The following ZC3H12B variants were observed in gnomAD, a reference collection of about 807,000 sequenced individuals.
The protein encoded by ZC3H12B is probable ribonuclease ZC3H12B.
A neutral mutation model predicts 43.9 loss-of-function variants in ZC3H12B; 7 were observed. The ratio of observed to expected loss-of-function variants is 0.16; its 90% CI spans 0.09 to 0.30. The LOEUF is 0.30. Among genes scored for constraint, ZC3H12B ranks in the 10% least tolerant of loss-of-function variants. ZC3H12B has a pLI of 1.00. For synonymous variants in ZC3H12B, 222 were observed against 241.7 expected (o/e 0.92, Z 0.76); for missense variants, 475 against 670.2 (o/e 0.71, Z 3.22).
chrX:65,215,013 C>A, the ZC3H12B span, among the ~76,000 whole-genome samples: 2 of 111,310 alleles, frequency 1.8e-5, no homozygotes, highest in East Asian at 5.6e-4. Flanking sequence ...AGTAATATTT[C>A]CAAAAGAATT....
the ZC3H12B span, among the ~76,000 whole-genome samples, chrX:65,181,261 AT>A: frequency 1.8e-5 from 2 of 112,174 alleles, no homozygotes; most frequent in African/African-American, 6.5e-5. Flanking sequence ...ACTCAAGATG[AT>A]TTAAATAGTT....
intron 3 of ZC3H12B, among the ~76,000 whole-genome samples, chrX:65,442,400 G>A (rs775019735): frequency 4.6e-4 from 51 of 111,124 alleles, no homozygotes; most frequent in African/African-American, 1.6e-3. Flanking sequence ...TAGCACTAAA[G>A]GAAAGGTATT....
chrX:65,374,108 G>GTTATATATAACTATATATATA (rs1402334408), intron 2 of ZC3H12B, among the ~76,000 whole-genome samples: 3,180 of 62,864 alleles, frequency 0.051, 495 homozygotes, highest in African/African-American at 0.23. Context: ...ACTATATATA[G>GTTATATATAACTATATATATA]GTTATATATA....
intron 3 of ZC3H12B, among the ~76,000 whole-genome samples, chrX:65,436,565 A>G (rs2067224381): frequency 8.9e-6 from 1 of 112,135 alleles, no homozygotes; most frequent in Non-Finnish European, 1.9e-5. Flanking sequence ...CTATCTTAGT[A>G]TGCTTTTACA....
chrX:65,132,172 T>A, the ZC3H12B span, among the ~76,000 whole-genome samples: 11 of 111,183 alleles, frequency 9.9e-5, no homozygotes, highest in Non-Finnish European at 1.7e-4. Flanking sequence ...GAGGAAGGTA[T>A]TGAGGACAAA....
At chrX:65,294,292 G>C in the ZC3H12B span, among the ~76,000 whole-genome samples, 13 of 111,507 alleles carry the variant, frequency 1.2e-4, no homozygotes, top group African/African-American at 4.2e-4. Context: ...GTCCCTTTCA[G>C]AAAACAAATG....
At chrX:65,452,686 C>T (rs1156800731) in intron 3 of ZC3H12B, among the ~76,000 whole-genome samples, 1 of 111,117 alleles carries the variant, frequency 9.0e-6, no homozygotes, top group Non-Finnish European at 1.9e-5. Context: ...ACTAAAAATA[C>T]AAAAATTTGC....
the ZC3H12B span, among the ~76,000 whole-genome samples, chrX:65,336,824 G>A: frequency 1.5e-4 from 17 of 112,328 alleles, no homozygotes; most frequent in Non-Finnish European, 2.6e-4. Context: ...TTCCCCCTTT[G>A]GGAAGAAGCA....
At chrX:65,226,025 C>T in the ZC3H12B span, among the ~76,000 whole-genome samples, 36 of 111,195 alleles carry the variant, frequency 3.2e-4, no homozygotes, top group African/African-American at 5.2e-4. Context: ...ATACAGAGAA[C>T]GCCACAAAGA....
chrX:65,239,246 C>T, the ZC3H12B span, among the ~76,000 whole-genome samples: 8 of 111,294 alleles, frequency 7.2e-5, no homozygotes, highest in Non-Finnish European at 1.3e-4. Context: ...CTTTATGAAT[C>T]TTGGTCCTCC....
the ZC3H12B span, among the ~76,000 whole-genome samples, chrX:65,220,824 CTTAAA>C: frequency 1.7e-4 from 19 of 111,510 alleles, no homozygotes; most frequent in Non-Finnish European, 3.6e-4. Flanking sequence ...GAACAATAGA[CTTAAA>C]TTATACCCTA....
At chrX:65,333,117 G>A in the ZC3H12B span, among the ~76,000 whole-genome samples, 1 of 111,083 alleles carries the variant, frequency 9.0e-6, no homozygotes, top group African/African-American at 3.3e-5. Flanking sequence ...GGGGCTCCTG[G>A]GCCTGTCAGA....
chrX:65,111,596 G>C, the ZC3H12B span, among the ~76,000 whole-genome samples: 1 of 107,756 alleles, frequency 9.3e-6, no homozygotes, highest in Admixed American at 1.0e-4. Flanking sequence ...GCAACTCTAT[G>C]TCAAGCAAGT....
the ZC3H12B span, chrX:65,357,212 A>G: frequency 2.2e-4 from 86 of 392,473 alleles, 1 homozygote; most frequent in South Asian, 1.7e-3. Context: ...TCAGGGTGAA[A>G]TAGATTTCAT....
At chrX:65,215,068 A>C in the ZC3H12B span, among the ~76,000 whole-genome samples, 1 of 111,904 alleles carries the variant, frequency 8.9e-6, no homozygotes, top group East Asian at 2.8e-4. Flanking sequence ...TAATATGTTC[A>C]GTAAACAATG....
At chrX:65,051,443 ATCTT>A in the ZC3H12B span, among the ~76,000 whole-genome samples, 84 of 110,883 alleles carry the variant, frequency 7.6e-4, no homozygotes, top group Non-Finnish European at 1.1e-3. Flanking sequence ...GTTAATTGAG[ATCTT>A]TCTTTCTTTT....
the ZC3H12B span, among the ~76,000 whole-genome samples, chrX:65,092,253 C>T: frequency 4.5e-5 from 5 of 111,579 alleles, no homozygotes; most frequent in Non-Finnish European, 9.4e-5. Flanking sequence ...TTATAAATTA[C>T]CCAGTGTCAG....
At chrX:65,183,462 C>T in the ZC3H12B span, among the ~76,000 whole-genome samples, 1 of 111,147 alleles carries the variant, frequency 9.0e-6, no homozygotes, top group Admixed American at 9.7e-5. Flanking sequence ...TAATTGGGTA[C>T]TATACTCATC....
At chrX:65,151,422 T>C in the ZC3H12B span, among the ~76,000 whole-genome samples, 2 of 112,130 alleles carry the variant, frequency 1.8e-5, no homozygotes, top group African/African-American at 3.2e-5. Context: ...GATATGTTCA[T>C]CCTCTCAAAA....
Sources: allele counts gnomAD v4.1 joint callset (sites outside exome capture counted in the v4.1 genomes callset), GRCh38; gene constraint gnomAD v4.1.1; transcripts MANE v1.5; gene names NCBI Gene and HGNC (gene_info 2026-07-23, HGNC 2026-07-21).